MRPL42: variants seen among roughly 807,000 people sequenced by gnomAD.
MRPL42 encodes large ribosomal subunit protein mL42.
In MRPL42, 17 loss-of-function variants were observed where a neutral mutation model predicts 17.9. The ratio of observed to expected loss-of-function variants is 0.95; its 90% confidence interval spans 0.65 to 1.42. MRPL42 has a LOEUF of 1.42. Among genes scored for constraint, MRPL42 ranks in the 40% most tolerant of loss-of-function variants. MRPL42 has a pLI of 0.00. For missense variants in MRPL42, 177 were observed against 175.2 expected, an observed-to-expected ratio of 1.01 and a Z score of -0.06; for synonymous variants, 59 against 54.4, an observed-to-expected ratio of 1.08 and a Z score of -0.37.
chr12:93,492,724 C>T (rs2121254099), intron 5 of MRPL42, among the ~76,000 whole-genome samples: 1 of 152,376 alleles, frequency 6.6e-6, no homozygotes, highest in South Asian at 2.1e-4. Context: ...ATGTTTGAGA[C>T]TCTGATAGCC....
chr12:93,489,755 C>T (rs777731375), intron 5 of MRPL42, among the ~76,000 whole-genome samples: 9 of 152,118 alleles, frequency 5.9e-5, no homozygotes, highest in South Asian at 2.1e-4. Flanking sequence ...AGGCTGGTCT[C>T]GAACTCCTGA....
intron 4 of MRPL42, among the ~76,000 whole-genome samples, chr12:93,481,292 T>C (rs1438009940): frequency 1.3e-5 from 2 of 152,188 alleles, no homozygotes; most frequent in Non-Finnish European, 2.9e-5. Flanking sequence ...GCCTGTACCC[T>C]GGAGACGTTA....
intron 2 of MRPL42, among the ~76,000 whole-genome samples, chr12:93,469,882 C>T (rs1380177854): frequency 6.6e-6 from 1 of 152,096 alleles, no homozygotes; most frequent in Non-Finnish European, 1.5e-5. Flanking sequence ...ATCTGTGTAG[C>T]CCACTCTTGG....
chr12:93,488,996 G>A (rs1454684045), intron 5 of MRPL42, among the ~76,000 whole-genome samples: 4 of 151,830 alleles, frequency 2.6e-5, no homozygotes, highest in African/African-American at 9.7e-5. Flanking sequence ...CAGCTAGTTT[G>A]AACAAAACTT....
chr12:93,472,510 C>A (rs1052962832), intron 2 of MRPL42, among the ~76,000 whole-genome samples: 1 of 152,066 alleles, frequency 6.6e-6, no homozygotes, highest in Non-Finnish European at 1.5e-5. Flanking sequence ...ATTGCTTGAG[C>A]CCAGGAGTTC....
chr12:93,497,845 A>G lies in MRPL42; in HGVS notation c.384-3331A>G, dbSNP rs568492593. ...GTTGAAAATCCTCAAACAGCTTCCT[A>G]TCTCACTCAGAAACACTCTAGGCCT... is the stretch of plus-strand genomic sequence containing the variant. On this transcript the variant is annotated intron_variant, in intron 5 of 5. Coordinates refer to ENST00000549982, the MANE Select transcript of MRPL42 (RefSeq NM_014050.4). Among the ~76,000 whole-genome samples the G allele has an allele frequency of 5.2e-4, 78 of 151,408 alleles. 1 individual carries two copies. The highest frequency in any genetic ancestry group is 1.7e-3 in the African/African-American group (71 of 41,268).
Position 93,503,816 on chromosome 12 carries a change from G to T in MRPL42, c.*2595G>T. The T allele has an allele frequency of 6.6e-6, 1 of 151,252 alleles. No homozygotes were observed. The highest frequency in any genetic ancestry group is 1.5e-5 in the Non-Finnish European group (1 of 67,936). The allele number at this position is 151,252 out of a possible 1,614,324, so 9.4% of individuals were successfully genotyped here. On this transcript the variant is annotated 3_prime_UTR_variant, in exon 6 of 6. Transcript: ENST00000549982. ...TTTTCACTTAATAGGAATTTTTTCC[G>T]TATCATTAAGTACTCTGATTTAATG...
chr12:93,481,716 T>C lies in MRPL42; in HGVS notation c.219+2244T>C, dbSNP rs549650822. ...GATTCCCTATGATTCCCTAGAGATA[T>C]TCTAATTACCAGTAATTGCTACTCC... On this transcript the variant is annotated intron_variant, in intron 4 of 5. Coordinates refer to ENST00000549982, the MANE Select transcript of MRPL42 (RefSeq NM_014050.4). Among the ~76,000 whole-genome samples, 18 of 152,284 alleles carry C rather than the reference T, an allele frequency of 1.2e-4. No individual in the cohort carries two copies. The East Asian group carries it at 3.3e-3, about 28-fold the overall frequency.
rs1953718983 is a variant in MRPL42, at chr12:93,510,804, A to G, written c.*9583A>G. The G allele has an allele frequency of 6.6e-6, 1 of 152,156 alleles. No individual in the cohort carries two copies. The highest frequency in any genetic ancestry group is 6.5e-5 in the Admixed American group (1 of 15,270). The allele number at this position is 152,156 out of a possible 1,614,324, so 9.4% of individuals were successfully genotyped here. On this transcript the variant is annotated 3_prime_UTR_variant, in exon 6 of 6. Transcript: ENST00000549982. ...GATTGAAGTTATAATATTTCTTTAA[A>G]TATTTTGGATAAATCTTTTGTCAGA...
Position 93,509,609 on chromosome 12 carries a change from C to G in MRPL42, c.*8388C>G, listed in dbSNP as rs1219630524. The stretch of plus-strand genomic sequence containing the variant: ...GTCAATCAGGTGTTTGCACTAAGTT[C>G]AGCATAAATGTAGTGACCTCCTGGG... On this transcript the variant is annotated 3_prime_UTR_variant, in exon 6 of 6. Coordinates refer to ENST00000549982, the MANE Select transcript of MRPL42 (RefSeq NM_014050.4). The G allele has an allele frequency of 1.3e-5, 2 of 151,946 alleles. No homozygotes were observed. Among genetic ancestry groups the G allele is most frequent in the Non-Finnish European group, 1.5e-5 (1 of 67,996 alleles). 9.4% of individuals were successfully genotyped at this position (151,946 alleles called of 1,614,324 possible).
At chr12:93,474,530 G>A (rs2121174062) in intron 2 of MRPL42, among the ~76,000 whole-genome samples, 1 of 152,160 alleles carries the variant, frequency 6.6e-6, no homozygotes, top group Middle Eastern at 3.4e-3. Context: ...ACCCTCCTAG[G>A]TTCAAGTGAT....
chr12:93,477,099 T>C, intron 3 of MRPL42, 82 bp downstream of exon 3: 1 of 1,006,714 alleles, frequency 9.9e-7, no homozygotes, highest in Non-Finnish European at 1.5e-6. Flanking sequence ...TTTTGATGTC[T>C]GATGCTTTCT....
chr12:93,491,519 ATTTT>A, intron 5 of MRPL42, among the ~76,000 whole-genome samples: 1 of 152,288 alleles, frequency 6.6e-6, no homozygotes, highest in African/African-American at 2.4e-5. Flanking sequence ...TGCTTTGTAA[ATTTT>A]TTTATCTAAG....
intron 2 of MRPL42, among the ~76,000 whole-genome samples, chr12:93,475,449 A>G (rs1364688442): frequency 6.6e-6 from 1 of 151,958 alleles, no homozygotes; most frequent in Non-Finnish European, 1.5e-5. Context: ...GGGTATTTGA[A>G]CAAAATGGGG....
At chr12:93,491,236 T>G (rs1292845875) in intron 5 of MRPL42, among the ~76,000 whole-genome samples, 1 of 152,222 alleles carries the variant, frequency 6.6e-6, no homozygotes, top group African/African-American at 2.4e-5. Flanking sequence ...GCAGAAGTAT[T>G]TAAAATATAA....
At chr12:93,469,058 G>C (rs538202836) in intron 1 of MRPL42, 134 bp from the exon 2 acceptor site, 7 of 471,778 alleles carry the variant, frequency 1.5e-5, no homozygotes, top group Non-Finnish European at 2.6e-5. Context: ...GTTCAATCAT[G>C]TGGAATTGCC....
chr12:93,470,238 T>C (rs911851184), intron 2 of MRPL42, among the ~76,000 whole-genome samples: 3 of 152,164 alleles, frequency 2.0e-5, no homozygotes, highest in African/African-American at 7.2e-5. Flanking sequence ...CTCGAAAGCT[T>C]GTTAATACAT....
In MRPL42 at chr12:93,510,599, T is replaced by C. The variant is rs1296866859; in HGVS notation, c.*9378T>C. 2 of 152,254 alleles carry C rather than the reference T, an allele frequency of 1.3e-5. No homozygotes were observed. The highest frequency in any genetic ancestry group is 4.8e-5 in the African/African-American group (2 of 41,454). The allele number at this position is 152,254 out of a possible 1,614,324, so 9.4% of individuals were successfully genotyped here. On this transcript the variant is annotated 3_prime_UTR_variant, in exon 6 of 6. Transcript: ENST00000549982. ...GGGTTCCTATTGCTCAACATCCCTG[T>C]CAGCACTTGGTGTTAGTGTTCTGAA...
intron 2 of MRPL42, among the ~76,000 whole-genome samples, chr12:93,475,491 C>T (rs1430144221): frequency 6.6e-6 from 1 of 152,008 alleles, no homozygotes; most frequent in Non-Finnish European, 1.5e-5. Context: ...ATGGTAAAGG[C>T]ATGGAGATAG....
Sources: gnomAD v4.1 joint callset for allele counts (sites outside exome capture counted in the v4.1 genomes callset) on GRCh38, gnomAD v4.1.1 for gene constraint, MANE v1.5 for transcripts, NCBI Gene and HGNC (gene_info 2026-07-23, HGNC 2026-07-21) for gene names.